STARD9: variants seen among roughly 807,000 people sequenced by gnomAD.
STARD9 encodes StAR related lipid transfer domain containing 9, also known as stAR-related lipid transfer protein 9.
A neutral mutation model predicts 399.8 loss-of-function variants in STARD9; 346 were observed. That is an observed-to-expected ratio of 0.87 (90% CI 0.79 to 0.95). STARD9 has a LOEUF of 0.95. Among genes scored for constraint, STARD9 ranks in the 40% least tolerant of loss-of-function variants. The probability of loss-of-function intolerance (pLI) is 0.00; values close to 1 mark genes in which losing one functional copy is unlikely to be tolerated. For missense variants in STARD9, 5,832 were observed against 5,667.5 expected (o/e 1.03, Z -0.93); for synonymous variants, 2,203 against 2,143.5 (o/e 1.03, Z -0.77).
At chr15:42,677,235 G>T (rs2060329655) in intron 20 of STARD9, among the ~76,000 whole-genome samples, 1 of 151,814 alleles carries the variant, frequency 6.6e-6, no homozygotes, top group Non-Finnish European at 1.5e-5. Context: ...CTGCACTCCA[G>T]CCTGGGCGAC....
intron 11 of STARD9, 192 bp downstream of exon 11, chr15:42,663,083 G>A (rs2060021383): frequency 2.9e-6 from 2 of 699,418 alleles, no homozygotes; most frequent in South Asian, 3.9e-5. Flanking sequence ...CTCAAAGAGG[G>A]GAGTCTAAAA....
intron 3 of STARD9, among the ~76,000 whole-genome samples, chr15:42,587,612 C>T (rs917719226): frequency 6.6e-6 from 1 of 152,064 alleles, no homozygotes; most frequent in Non-Finnish European, 1.5e-5. Context: ...TGTTGCCCAG[C>T]CTGGAGTGCA....
At chr15:42,596,428 T>C (rs1237126180) in intron 3 of STARD9, among the ~76,000 whole-genome samples, 1 of 152,210 alleles carries the variant, frequency 6.6e-6, no homozygotes, top group Non-Finnish European at 1.5e-5. Flanking sequence ...TGATGATTAC[T>C]TTGAGAGTCT....
chr15:42,688,410 A>AT lies in STARD9; in HGVS notation c.6833dup (p.Met2278IlefsTer14), dbSNP rs2060612669. 14 of 1,537,636 alleles carry AT rather than the reference A, an allele frequency of 9.1e-6. No individual in the cohort carries two copies. Among genetic ancestry groups the AT allele is most frequent in the Non-Finnish European group, 1.2e-5 (14 of 1,147,014 alleles). ...AAAAGCTCAAGGTAAAGTTGAAGAAATGCCTATGCAAAGGGGAGGCAGCCT... is the reference window on the plus strand; with the variant it reads ...AAAAGCTCAAGGTAAAGTTGAAGAAATTGCCTATGCAAAGGGGAGGCAGCCT... On this transcript the variant is annotated frameshift_variant, in exon 23 of 33. Coordinates refer to ENST00000290607, the MANE Select transcript of STARD9 (RefSeq NM_020759.3). LOFTEE classifies it high-confidence loss of function.
intron 3 of STARD9, among the ~76,000 whole-genome samples, chr15:42,624,336 A>G (rs1276799758): frequency 2.6e-5 from 4 of 152,270 alleles, no homozygotes; most frequent in East Asian, 1.9e-4. Context: ...ATTTATGTCT[A>G]TAATATAACA....
chr15:42,600,529 T>TC (rs1231176003), intron 3 of STARD9, among the ~76,000 whole-genome samples: 7 of 147,908 alleles, frequency 4.7e-5, no homozygotes, highest in African/African-American at 7.7e-5. Flanking sequence ...TTTCTTTCTT[T>TC]TTTTTTTTTT....
chr15:42,667,041 C>T (rs972185179), intron 15 of STARD9, among the ~76,000 whole-genome samples: 1 of 152,148 alleles, frequency 6.6e-6, no homozygotes, highest in African/African-American at 2.4e-5. Context: ...TGTCAAACTC[C>T]TGGCCTCAGG....
At chr15:42,578,695 C>A (rs1286322687) in intron 1 of STARD9, among the ~76,000 whole-genome samples, 1 of 149,990 alleles carries the variant, frequency 6.7e-6, no homozygotes, top group African/African-American at 2.5e-5. Flanking sequence ...AAAGTCAGAA[C>A]AGGGATACAT....
chr15:42,671,126 A>ATTTTTTTTTTTTTTTTTTTTTTTTTTTTT (rs34261486), intron 16 of STARD9: 1 of 96,046 alleles, frequency 1.0e-5, no homozygotes, highest in Non-Finnish European at 1.9e-5. Context: ...AGGATTGCTG[A>ATTTTTTTTTTTTTTTTTTTTTTTTTTTTT]TTTTTTTTTT....
chr15:42,579,067 G>T (rs2058115682), intron 1 of STARD9, among the ~76,000 whole-genome samples: 1 of 152,194 alleles, frequency 6.6e-6, no homozygotes, highest in African/African-American at 2.4e-5. Flanking sequence ...AACTATGAGG[G>T]GATGGATGCT....
chr15:42,599,598 TTC>T (rs1227230707), intron 3 of STARD9, among the ~76,000 whole-genome samples: 3 of 152,218 alleles, frequency 2.0e-5, no homozygotes, highest in Non-Finnish European at 4.4e-5. Flanking sequence ...TTGTGATACA[TTC>T]TGTTTACTAA....
At chr15:42,664,595 G>A (rs2060052490) in intron 13 of STARD9, among the ~76,000 whole-genome samples, 1 of 152,118 alleles carries the variant, frequency 6.6e-6, no homozygotes, top group Non-Finnish European at 1.5e-5. Context: ...TCAAACTCCT[G>A]GACTCAAATG....
intron 3 of STARD9, among the ~76,000 whole-genome samples, chr15:42,620,408 G>A (rs2059065407): frequency 1.3e-5 from 2 of 151,934 alleles, no homozygotes; most frequent in Admixed American, 1.3e-4. Context: ...TTGAGCCTGG[G>A]AGGTCAAGGC....
chr15:42,646,671 G>T (rs754353698), intron 7 of STARD9, among the ~76,000 whole-genome samples: 1 of 152,198 alleles, frequency 6.6e-6, no homozygotes, highest in South Asian at 2.1e-4. Context: ...CAGCAAGAAG[G>T]CTGTTTTGTT....
chr15:42,681,400 A>C, intron 20 of STARD9, 22 bp from the exon 21 acceptor site: 1 of 1,529,326 alleles, frequency 6.5e-7, no homozygotes, highest in Non-Finnish European at 8.7e-7. Context: ...CCCTTGGGTA[A>C]CCTCAGCCGC....
At position 42,693,766 on chromosome 15, in the gene STARD9, C is replaced by T; in HGVS notation, c.12188C>T (p.Ser4063Leu). 1 of 1,536,306 alleles carries T rather than the reference C, an allele frequency of 6.5e-7. No homozygotes were observed. The highest frequency in any genetic ancestry group is 2.4e-5 in the East Asian group (1 of 40,900). ...AGGACAGAAAATGGAGGTGAGAGTT[C>T]AGCATCTCCAGGGGAACCACAACGC... ...QSRTENGGES[S>L]ASPGEPQRTL... is the part of the protein sequence containing the mutation. The change falls in exon 23 of 33, where the codon TCA (serine) becomes TTA (leucine). Residue 4063 changes from serine to leucine, a missense_variant. This residue lies in a region of STARD9 where 5,828 missense variants were observed against 5,651.1 expected (regional missense o/e 1.03). Transcript: ENST00000290607.
chr15:42,677,089 T>TA (rs869040683), intron 20 of STARD9, among the ~76,000 whole-genome samples: 1,058 of 53,576 alleles, frequency 0.02, 112 homozygotes, highest in African/African-American at 0.037. Flanking sequence ...CGTCTCTACT[T>TA]AAAAAAAAAA....
At position 42,686,171 on chromosome 15, in the gene STARD9, A is replaced by G. The variant is rs2060551395; in HGVS notation, c.4593A>G (p.Leu1531=). The G allele has an allele frequency of 1.3e-6, 2 of 1,537,424 alleles. No individual in the cohort carries two copies. Among genetic ancestry groups the G allele is most frequent in the Middle Eastern group, 1.7e-4 (1 of 5,990 alleles). ...CTTCTAGCAAAGGAGGAGATACTCT[A>G]TTGCCAGTTGGCCCTAGGGTATCTA... The part of the protein sequence containing the change: ...AQASSKGGDT[L]LPVGPRVSSN... Residue 1531 remains leucine, a synonymous_variant, in exon 23 of 33, where the codon CTA becomes CTG. Transcript: ENST00000290607.
chr15:42,694,625 C>T lies in STARD9; in HGVS notation c.12862C>T (p.Leu4288Phe), dbSNP rs1423255091. The change falls in exon 24 of 33, where the codon CTC (leucine) becomes TTC (phenylalanine). Residue 4288 changes from leucine to phenylalanine, a missense_variant. Physicochemically the swap from Leu to Phe is conservative, Grantham distance 22. Around this residue, in one of 2 missense-constraint regions of STARD9, gnomAD observed 5,828 missense variants for 5,651.1 expected, o/e 1.03. Transcript: ENST00000290607. ...CCTTAGCCCTCAGAAACAACTGAGC[C>T]TCCTGCCCAACAAAGATCTCTTCAT... ...RSLSPQKQLS[L>F]LPNKDLFIWD... 2.6e-6 allele frequency: 4 copies of T among 1,537,178 alleles called. No individual in the cohort carries two copies. The South Asian group carries it at 3.6e-5, about 14-fold the overall frequency.
Sources: allele counts gnomAD v4.1 joint callset (sites outside exome capture counted in the v4.1 genomes callset), GRCh38; gene constraint gnomAD v4.1.1; regional missense constraint gnomAD v4.1.1; transcripts MANE v1.5; gene names NCBI Gene and HGNC (gene_info 2026-07-23, HGNC 2026-07-21).